TSNARE1: variants seen among roughly 807,000 people sequenced by gnomAD.
TSNARE1 encodes t-SNARE domain-containing protein 1.
A neutral mutation model predicts 62.0 loss-of-function variants in TSNARE1; 49 were observed. The observed-to-expected ratio is 0.79, with a 90% CI of 0.63 to 1.00. TSNARE1 has a LOEUF of 1.00. Among genes scored for constraint, TSNARE1 ranks in the 50% least tolerant of loss-of-function variants. The pLI is 0.00. For missense variants in TSNARE1, 755 were observed against 700.1 expected, an observed-to-expected ratio of 1.08 and a Z score of -0.88; for synonymous variants, 328 against 294.4, an observed-to-expected ratio of 1.11 and a Z score of -1.17.
intron 10 of TSNARE1, among the ~76,000 whole-genome samples, chr8:142,288,241 C>T (rs1426243981): frequency 6.6e-6 from 1 of 152,222 alleles, no homozygotes; most frequent in African/African-American, 2.4e-5. Context: ...GGGGCAGCTG[C>T]GAGTCCCTGA....
At chr8:142,223,024 C>CACTCATT (rs1563756522) in intron 13 of TSNARE1, among the ~76,000 whole-genome samples, 893 of 81,838 alleles carry the variant, frequency 0.011, 29 homozygotes, top group African/African-American at 0.033. Flanking sequence ...ACTCACTCAG[C>CACTCATT]CACTCACTCA....
chr8:142,297,807 A>G (rs1372512592), intron 10 of TSNARE1, among the ~76,000 whole-genome samples: 1 of 152,084 alleles, frequency 6.6e-6, no homozygotes, highest in Non-Finnish European at 1.5e-5. Context: ...GGCTAATGAC[A>G]ATTTGCGTTT....
chr8:142,395,792 A>T (rs1837853894), intron 1 of TSNARE1, among the ~76,000 whole-genome samples: 1 of 152,214 alleles, frequency 6.6e-6, no homozygotes, highest in Admixed American at 6.5e-5. Context: ...ACTCCCAGCA[A>T]GGAATCCAGC....
rs537643047 is a variant in TSNARE1 at position 142,232,548 on chromosome 8, G to A, written c.1447-2969C>T. Among the ~76,000 whole-genome samples, 283 of 152,368 alleles carry A rather than the reference G, an allele frequency of 1.9e-3. 1 individual carries two copies. The highest frequency in any genetic ancestry group is 3.4e-3 in the Non-Finnish European group (232 of 68,038). On this transcript the variant is annotated intron_variant, in intron 12 of 13. Coordinates refer to ENST00000524325, the MANE Select transcript of TSNARE1 (RefSeq NM_145003.5). ...ACGGACAGGCCAAAGGGGCGGACCC[G>A]GATGTAGCAAAGGATGTGCCCCAGA...
At chr8:142,252,158 G>A (rs936953913) in intron 12 of TSNARE1, among the ~76,000 whole-genome samples, 1 of 152,234 alleles carries the variant, frequency 6.6e-6, no homozygotes, top group Non-Finnish European at 1.5e-5. Context: ...GGGCACGCAC[G>A]TTGAGAGAGA....
intron 1 of TSNARE1, chr8:142,365,805 A>G: frequency 6.0e-6 from 2 of 333,142 alleles, no homozygotes; most frequent in South Asian, 2.2e-5. Flanking sequence ...CTCACTGGAA[A>G]TTATTTTTTA....
At chr8:142,243,599 G>C (rs1031547320) in intron 12 of TSNARE1, among the ~76,000 whole-genome samples, 1 of 151,258 alleles carries the variant, frequency 6.6e-6, no homozygotes, top group East Asian at 2.0e-4. Context: ...GGGGCCGGGG[G>C]AGCAGGGGAG....
At chr8:142,330,383 G>A (rs1830838386) in intron 6 of TSNARE1, among the ~76,000 whole-genome samples, 1 of 152,152 alleles carries the variant, frequency 6.6e-6, no homozygotes, top group Non-Finnish European at 1.5e-5. Flanking sequence ...GCAGGCCACT[G>A]GGCACCCCTC....
chr8:142,257,112 G>T (rs1223143843), intron 12 of TSNARE1, among the ~76,000 whole-genome samples: 1 of 152,170 alleles, frequency 6.6e-6, no homozygotes, highest in Non-Finnish European at 1.5e-5. Context: ...ACACCCTGAC[G>T]TGGGGCGGTG....
At chr8:142,308,793 C>A (rs1827111796) in intron 9 of TSNARE1, among the ~76,000 whole-genome samples, 1 of 152,170 alleles carries the variant, frequency 6.6e-6, no homozygotes, top group Non-Finnish European at 1.5e-5. Flanking sequence ...TTCACACACA[C>A]ACACACTGAA....
In TSNARE1 at chr8:142,278,757, C is replaced by A. The variant is rs914306300; in HGVS notation, c.1364-3894G>T. 4 of 985,306 alleles carry A rather than the reference C, an allele frequency of 4.1e-6. No individual in the cohort carries two copies. In the African/African-American group the frequency reaches 5.2e-5, roughly 13 times the overall value. The allele number at this position is 985,306 out of a possible 1,614,324, so 61.0% of individuals were successfully genotyped here. ...TCGGAAGGGGGCACAGCGTGCCTGA[C>A]AGGCTGAGAGTCACCGGACAGCACC... On this transcript the variant is annotated intron_variant, in intron 11 of 13. Coordinates refer to ENST00000524325, the MANE Select transcript of TSNARE1 (RefSeq NM_145003.5).
intron 12 of TSNARE1, among the ~76,000 whole-genome samples, chr8:142,272,006 G>A (rs747600780): frequency 2.6e-5 from 4 of 151,858 alleles, no homozygotes; most frequent in Admixed American, 6.6e-5. Flanking sequence ...CCATCCGCTC[G>A]TCCGCCTGCC....
At chr8:142,374,556 G>A (rs904005123) in intron 1 of TSNARE1, among the ~76,000 whole-genome samples, 2 of 151,808 alleles carry the variant, frequency 1.3e-5, no homozygotes, top group African/African-American at 4.8e-5. Context: ...GCGGGCGCCT[G>A]TAGTCCCAGG....
rs151075721 is a variant in TSNARE1, at chr8:142,329,725, G to A, written c.893+1176C>T. 3.9e-3 allele frequency among the ~76,000 whole-genome samples: 589 copies of A among 152,296 alleles called. 5 individuals are homozygous for A. The highest frequency in any genetic ancestry group is 0.013 in the African/African-American group (551 of 41,568). On this transcript the variant is annotated intron_variant, in intron 6 of 13. Coordinates refer to ENST00000524325, the MANE Select transcript of TSNARE1 (RefSeq NM_145003.5). ...CGCGTGGGTGTGAGGAAGGCTGGAG[G>A]GAACACCGACATGCTAACAGCAGCT...
Position 142,275,945 on chromosome 8 carries a change from G to A in TSNARE1, c.1364-1082C>T, listed in dbSNP as rs544706869. The A allele has an allele frequency of 1.0e-4, 100 of 985,392 alleles. No homozygotes were observed. In the African/African-American group the frequency reaches 1.4e-3, roughly 14 times the overall value. The allele number at this position is 985,392 out of a possible 1,614,324, so 61.0% of individuals were successfully genotyped here. On this transcript the variant is annotated intron_variant, in intron 11 of 13. Transcript: ENST00000524325. ...GACTCCCTACTCTCATCAGGGAACT[G>A]TGGCCCCATCTCTGCAAGCCCCCTG...
At chr8:142,285,242 A>G (rs564950779) in intron 10 of TSNARE1, among the ~76,000 whole-genome samples, 1 of 126,126 alleles carries the variant, frequency 7.9e-6, no homozygotes, top group South Asian at 2.7e-4. Flanking sequence ...ATGGATGGGT[A>G]GATGGATGGA....
intron 12 of TSNARE1, among the ~76,000 whole-genome samples, chr8:142,264,450 C>T (rs542154107): frequency 7.9e-5 from 12 of 152,166 alleles, no homozygotes; most frequent in South Asian, 2.1e-4. Flanking sequence ...TGAAGTTCAG[C>T]GCTGGTGTTC....
chr8:142,326,577 G>C (rs13254523), intron 6 of TSNARE1, among the ~76,000 whole-genome samples: 3 of 124,132 alleles, frequency 2.4e-5, no homozygotes, highest in East Asian at 2.6e-4. Context: ...GCCCCGGAGA[G>C]CACGAGACAG....
At chr8:142,347,428 G>A (rs1833519551) in intron 2 of TSNARE1, among the ~76,000 whole-genome samples, 1 of 152,180 alleles carries the variant, frequency 6.6e-6, no homozygotes, top group South Asian at 2.1e-4. Context: ...TCCCAAGAGG[G>A]CAGGGCCTGT....
Sources: gnomAD v4.1 joint callset for allele counts (sites outside exome capture counted in the v4.1 genomes callset) on GRCh38, gnomAD v4.1.1 for gene constraint, MANE v1.5 for transcripts, NCBI Gene and HGNC (gene_info 2026-07-23, HGNC 2026-07-21) for gene names.